RALGPS1: variants seen among roughly 807,000 people sequenced by gnomAD.
RALGPS1 encodes Ral GEF with PH domain and SH3 binding motif 1.
RALGPS1 carries 19 observed loss-of-function variants against 78.8 expected under a neutral mutation model. That is an observed-to-expected ratio of 0.24 (90% CI 0.17 to 0.35). RALGPS1 has a LOEUF of 0.35. Among genes scored for constraint, RALGPS1 ranks in the 10% least tolerant of loss-of-function variants. RALGPS1 has a pLI of 1.00. For missense variants in RALGPS1, 454 were observed against 688.3 expected (o/e 0.66, Z 3.81); for synonymous variants, 228 against 256.3 (o/e 0.89, Z 1.06).
intron 8 of RALGPS1, among the ~76,000 whole-genome samples, chr9:127,105,293 T>C (rs909891303): frequency 6.6e-6 from 1 of 152,188 alleles, no homozygotes; most frequent in Non-Finnish European, 1.5e-5. Context: ...CATGACGGCG[T>C]GCTTTCTTAA....
chr9:127,105,282 C>T (rs369164906), intron 8 of RALGPS1, among the ~76,000 whole-genome samples: 18 of 152,310 alleles, frequency 1.2e-4, no homozygotes, highest in African/African-American at 4.3e-4. Flanking sequence ...CCATTCCCTC[C>T]CATGACGGCG....
intron 11 of RALGPS1, among the ~76,000 whole-genome samples, chr9:127,187,343 C>T (rs1170676506): frequency 6.6e-6 from 1 of 152,138 alleles, no homozygotes; most frequent in East Asian, 1.9e-4. Flanking sequence ...ATGTTCTGAC[C>T]AGCGCCTGAC....
At position 127,050,094 on chromosome 9, in the gene RALGPS1, A is replaced by G; in HGVS notation, c.352A>G (p.Arg118Gly). Reference protein sequence around the residue: ...EILTAQTLKIRAEILSHFVKI... With the variant: ...EILTAQTLKIGAEILSHFVKI... ...TCTAACAGCACAGACTTTAAAAATAAGGGCAGAAATCCTCAGCCATTTTGT... is the reference window on the plus strand; with the variant it reads ...TCTAACAGCACAGACTTTAAAAATAGGGGCAGAAATCCTCAGCCATTTTGT... The change falls in exon 6 of 19, where the codon AGG (arginine) becomes GGG (glycine). Residue 118 changes from arginine to glycine, a missense_variant. Physicochemically the swap from Arg to Gly is moderately radical, Grantham distance 125. Coordinates refer to ENST00000259351, the MANE Select transcript of RALGPS1 (RefSeq NM_014636.3). 6.2e-7 allele frequency: 1 copy of G among 1,614,102 alleles called. No individual in the cohort carries two copies. The highest frequency in any genetic ancestry group is 8.5e-7 in the Non-Finnish European group (1 of 1,179,912).
chr9:127,111,898 A>G (rs1035604681), intron 8 of RALGPS1, among the ~76,000 whole-genome samples: 1 of 152,222 alleles, frequency 6.6e-6, no homozygotes, highest in Non-Finnish European at 1.5e-5. Flanking sequence ...TTTTACTAGT[A>G]AAAGGGTATT....
chr9:127,080,435 C>CA (rs2051068020), intron 8 of RALGPS1, among the ~76,000 whole-genome samples: 1 of 152,234 alleles, frequency 6.6e-6, no homozygotes, highest in Non-Finnish European at 1.5e-5. Flanking sequence ...CCAGTGTTTG[C>CA]AGTGGGTATG....
chr9:127,162,511 G>T (rs1413353638), intron 8 of RALGPS1, among the ~76,000 whole-genome samples: 1 of 152,214 alleles, frequency 6.6e-6, no homozygotes, highest in Non-Finnish European at 1.5e-5. Flanking sequence ...GGAGTGAAAG[G>T]CTGTTTATAG....
chr9:126,971,915 A>G (rs1021170353), intron 3 of RALGPS1, among the ~76,000 whole-genome samples: 1 of 152,240 alleles, frequency 6.6e-6, no homozygotes, highest in African/African-American at 2.4e-5. Context: ...TCAAAATAGA[A>G]GAAAGGAGAT....
chr9:127,206,714 GA>G (rs2061952462), intron 14 of RALGPS1, among the ~76,000 whole-genome samples: 3 of 152,110 alleles, frequency 2.0e-5, no homozygotes, highest in Admixed American at 6.5e-5. Flanking sequence ...ATTTTCTGGG[GA>G]GGTTGCTCTC....
chr9:126,952,650 A>AGTGTGTGTGTGT (rs1486310137), intron 1 of RALGPS1, among the ~76,000 whole-genome samples: 4 of 71,132 alleles, frequency 5.6e-5, no homozygotes, highest in South Asian at 5.2e-4. Flanking sequence ...AGAGAGAGAG[A>AGTGTGTGTGTGT]GAGAGAGTGT....
chr9:127,212,617 TC>T lies in RALGPS1; in HGVS notation c.1354-8del. ...CTGGTGGCATCACTCAGCCTCCCCTTCCTCTGTAGCTGTCCTCGTGGACCAG... is the reference window on the plus strand; with the variant it reads ...CTGGTGGCATCACTCAGCCTCCCCTTCTCTGTAGCTGTCCTCGTGGACCAG... On this transcript the variant is annotated splice_polypyrimidine_tract_variant and intron_variant, in intron 15 of 18. Coordinates refer to ENST00000259351, the MANE Select transcript of RALGPS1 (RefSeq NM_014636.3). The surrounding 1 kb of genome is among the most constrained non-coding windows in gnomAD (Gnocchi z 6.0). The T allele has an allele frequency of 6.3e-7, 1 of 1,596,266 alleles. No individual in the cohort carries two copies. The highest frequency in any genetic ancestry group is 8.6e-7 in the Non-Finnish European group (1 of 1,167,576).
chr9:126,958,947 T>A (rs2038620547), intron 1 of RALGPS1, among the ~76,000 whole-genome samples: 1 of 152,188 alleles, frequency 6.6e-6, no homozygotes, highest in Non-Finnish European at 1.5e-5. Flanking sequence ...TTGTTGTTGT[T>A]TTCTTTTGTT....
At position 126,976,758 on chromosome 9, in the gene RALGPS1, C is replaced by T. The variant is rs552469654; in HGVS notation, c.166-937C>T. Among the ~76,000 whole-genome samples, 412 of 152,328 alleles carry T rather than the reference C, an allele frequency of 2.7e-3. 3 individuals carry two copies. Among genetic ancestry groups the T allele is most frequent in the South Asian group, 7.2e-3 (35 of 4,828 alleles). Reference sequence around the variant, plus strand: ...ATTAAAGGCATCCAAAGGTCTTCAGCTCTCCTCTCCCTGGCGTGTCACAGA... The same window carrying T: ...ATTAAAGGCATCCAAAGGTCTTCAGTTCTCCTCTCCCTGGCGTGTCACAGA... On this transcript the variant is annotated intron_variant, in intron 3 of 18. Transcript: ENST00000259351.
intron 8 of RALGPS1, among the ~76,000 whole-genome samples, chr9:127,073,287 C>G (rs2050365244): frequency 6.6e-6 from 1 of 152,174 alleles, no homozygotes; most frequent in Non-Finnish European, 1.5e-5. Flanking sequence ...CTCTCTGCCT[C>G]CATAAGATCA....
At chr9:127,154,495 G>A (rs886981493) in intron 8 of RALGPS1, among the ~76,000 whole-genome samples, 1 of 152,194 alleles carries the variant, frequency 6.6e-6, no homozygotes, top group African/African-American at 2.4e-5. Context: ...CTTCCAGAGG[G>A]CCCAAGGAAC....
rs754911211 is a variant in RALGPS1, at chr9:127,052,859, C to T, written c.403C>T (p.Leu135Phe). The change falls in exon 7 of 19, where the codon CTC (leucine) becomes TTC (phenylalanine). Residue 135 changes from leucine to phenylalanine, a missense_variant. Leu to Phe is a conservative substitution (Grantham distance 22, BLOSUM62 0). Coordinates refer to ENST00000259351, the MANE Select transcript of RALGPS1 (RefSeq NM_014636.3). ...FVKIAKKLLE[L>F]NNLHSLMSVV... ...ATCTTTTTTTCAGAAACTTCTAGAA[C>T]TCAACAACCTTCATTCTCTCATGTC... is the stretch of plus-strand genomic sequence containing the variant. 1 of 1,606,176 alleles carries T rather than the reference C, an allele frequency of 6.2e-7. No individual in the cohort carries two copies. Among genetic ancestry groups the T allele is most frequent in the African/African-American group, 1.3e-5 (1 of 74,698 alleles).
intron 8 of RALGPS1, among the ~76,000 whole-genome samples, chr9:127,109,973 A>T (rs1296115645): frequency 6.6e-6 from 1 of 152,240 alleles, no homozygotes; most frequent in African/African-American, 2.4e-5. Context: ...TTGCTCCAGC[A>T]GTCCTCACCG....
At chr9:126,993,630 A>T (rs1022147938) in intron 4 of RALGPS1, among the ~76,000 whole-genome samples, 5 of 151,960 alleles carry the variant, frequency 3.3e-5, no homozygotes, top group South Asian at 4.1e-4. Context: ...AGCGTGAGTG[A>T]TGCAGAAGAT....
intron 14 of RALGPS1, among the ~76,000 whole-genome samples, chr9:127,204,152 G>A (rs1450740500): frequency 6.6e-6 from 1 of 152,148 alleles, no homozygotes; most frequent in Non-Finnish European, 1.5e-5. Flanking sequence ...TACCACATCT[G>A]AGGAACTGAT....
intron 4 of RALGPS1, among the ~76,000 whole-genome samples, chr9:126,999,581 G>A (rs1355047400): frequency 6.6e-6 from 1 of 152,134 alleles, no homozygotes; most frequent in Non-Finnish European, 1.5e-5. Flanking sequence ...CATATAGTAT[G>A]TAGCCTTTTC....
Sources: allele counts gnomAD v4.1 joint callset (sites outside exome capture counted in the v4.1 genomes callset), GRCh38; gene constraint gnomAD v4.1.1; non-coding constraint Gnocchi (gnomAD v3.1); transcripts MANE v1.5; gene names NCBI Gene and HGNC (gene_info 2026-07-23, HGNC 2026-07-21).